Variants in CUEDC1 observed in about 807,000 individuals in gnomAD.
The protein encoded by CUEDC1 is CUE domain-containing protein 1.
A neutral mutation model predicts 43.7 loss-of-function variants in CUEDC1; 30 were observed. The ratio of observed to expected loss-of-function variants is 0.69; its 90% CI spans 0.51 to 0.93. The LOEUF (loss-of-function observed/expected upper bound fraction) is 0.93. CUEDC1 is among the 40% of genes least tolerant of loss of function. CUEDC1 has a pLI of 0.00. For synonymous variants in CUEDC1, 223 were observed against 223.6 expected (o/e 1.00, Z 0.02); for missense variants, 486 against 549.0 (o/e 0.89, Z 1.15).
At chr17:57,870,413 C>T (rs2074017667) in intron 6 of CUEDC1, among the ~76,000 whole-genome samples, 1 of 152,242 alleles carries the variant, frequency 6.6e-6, no homozygotes, top group Non-Finnish European at 1.5e-5. Flanking sequence ...CTAGAAATTC[C>T]TCTTCCTCCA....
chr17:57,920,376 C>A (rs1466742628), intron 1 of CUEDC1, among the ~76,000 whole-genome samples: 5 of 152,180 alleles, frequency 3.3e-5, no homozygotes, highest in Admixed American at 6.5e-5. Context: ...CTGGTTTTAT[C>A]TTGCTGAAGG....
At chr17:57,931,067 TTA>T in intron 1 of CUEDC1, among the ~76,000 whole-genome samples, 1 of 152,120 alleles carries the variant, frequency 6.6e-6, no homozygotes, top group African/African-American at 2.4e-5. Context: ...GACAGGCAGA[TTA>T]CTCGAGCTCA....
chr17:57,885,400 C>A lies in CUEDC1; in HGVS notation c.165G>T (p.Lys55Asn). The change falls in exon 2 of 11, where the codon AAG becomes AAT. Residue 55 changes from lysine (K) to asparagine (N), a missense_variant. Coordinates refer to ENST00000577830, the MANE Select transcript of CUEDC1 (RefSeq NM_001271875.2). ...LEFNQAMDDF[K>N]TMFPNMDYDI... Reference sequence around the variant, plus strand: ...CGTAATCCATGTTGGGGAACATGGTCTTGAAGTCGTCCATGGCCTGGTTGA... The same window carrying A: ...CGTAATCCATGTTGGGGAACATGGTATTGAAGTCGTCCATGGCCTGGTTGA... 6.2e-7 allele frequency: 1 copy of A among 1,610,402 alleles called. No individual in the cohort carries two copies. The highest frequency in any genetic ancestry group is 1.1e-5 in the South Asian group (1 of 90,310).
At chr17:57,945,473 C>T (rs751330603) in intron 1 of CUEDC1, among the ~76,000 whole-genome samples, 3 of 152,168 alleles carry the variant, frequency 2.0e-5, no homozygotes, top group Non-Finnish European at 2.9e-5. Context: ...CAAAGACATC[C>T]GCATAAACAT....
intron 8 of CUEDC1, 21 bp downstream of exon 8, chr17:57,868,129 G>A: frequency 6.2e-7 from 1 of 1,602,976 alleles, no homozygotes; most frequent in South Asian, 1.1e-5. Flanking sequence ...ACCCCCACCA[G>A]TGCCAGGCTG....
chr17:57,872,570 G>T, intron 5 of CUEDC1, 93 bp downstream of exon 5: 1 of 1,406,748 alleles, frequency 7.1e-7, no homozygotes, highest in Non-Finnish European at 9.7e-7. Flanking sequence ...GGCCCCCTCA[G>T]CCCCCAGCTC....
intron 1 of CUEDC1, among the ~76,000 whole-genome samples, chr17:57,929,806 C>G (rs764869518): frequency 2.0e-5 from 3 of 152,104 alleles, no homozygotes; most frequent in Non-Finnish European, 2.9e-5. Context: ...CTCTCTCTCT[C>G]TTTTTCTTTT....
At chr17:57,902,212 C>CA (rs1567711610) in intron 1 of CUEDC1, among the ~76,000 whole-genome samples, 1 of 151,116 alleles carries the variant, frequency 6.6e-6, no homozygotes, top group African/African-American at 2.4e-5. Flanking sequence ...AAACAAAAAA[C>CA]AAAAAACAAA....
At chr17:57,890,153 T>G (rs770510835) in intron 1 of CUEDC1, among the ~76,000 whole-genome samples, 6 of 152,142 alleles carry the variant, frequency 3.9e-5, no homozygotes, top group Non-Finnish European at 5.9e-5. Flanking sequence ...ACAGCCAGTA[T>G]GTGGAGAGGC....
chr17:57,878,770 G>A (rs531016123), intron 3 of CUEDC1, among the ~76,000 whole-genome samples: 24 of 152,170 alleles, frequency 1.6e-4, no homozygotes, highest in South Asian at 8.3e-4. Context: ...GGGTTCAAGC[G>A]GTTCTCCTGC....
At chr17:57,893,720 G>A (rs1031753684) in intron 1 of CUEDC1, among the ~76,000 whole-genome samples, 1 of 152,218 alleles carries the variant, frequency 6.6e-6, no homozygotes, top group Non-Finnish European at 1.5e-5. Context: ...GAGGAGCAGG[G>A]GAGAGACAGA....
At chr17:57,867,165 CAGGG>C in intron 9 of CUEDC1, 188 bp downstream of exon 9, 1 of 624,014 alleles carries the variant, frequency 1.6e-6, no homozygotes, top group Non-Finnish European at 2.9e-6. Flanking sequence ...GGCCCCTTTT[CAGGG>C]GTTGCAGAAA....
At position 57,872,836 on chromosome 17, in the gene CUEDC1, T is replaced by G. The variant is rs1193334711; in HGVS notation, c.611A>C (p.Lys204Thr). ...TGGACATCCCTCTCCACTCCCAGGC[T>G]TGGGGCCCCCAGCGTTACCCTGAGG... ...DSIQGNAGGP[K>T]PGSGEGCPPA... The change falls in exon 5 of 11, where the codon AAG becomes ACG. Residue 204 changes from lysine to threonine, a missense_variant. Coordinates refer to ENST00000577830, the MANE Select transcript of CUEDC1 (RefSeq NM_001271875.2). 1 of 1,613,272 alleles carries G rather than the reference T, an allele frequency of 6.2e-7. No homozygotes were observed. The highest frequency in any genetic ancestry group is 8.5e-7 in the Non-Finnish European group (1 of 1,179,782).
chr17:57,867,820 G>A (rs1180719871), intron 8 of CUEDC1, among the ~76,000 whole-genome samples: 1 of 152,168 alleles, frequency 6.6e-6, no homozygotes, highest in African/African-American at 2.4e-5. Context: ...AGAAATGAAG[G>A]GAAGGTTTGA....
In CUEDC1 at chr17:57,930,471, G is replaced by A. The variant is rs2074793388; in HGVS notation, c.-316+24754C>T. 6.6e-6 allele frequency among the ~76,000 whole-genome samples: 1 copy of A among 152,216 alleles called. No individual in the cohort carries two copies. The highest frequency in any genetic ancestry group is 2.1e-4 in the South Asian group (1 of 4,824). On this transcript the variant is annotated intron_variant, in intron 1 of 10. Coordinates refer to ENST00000577830, the MANE Select transcript of CUEDC1 (RefSeq NM_001271875.2). This position sits in a 1 kb window ranked among gnomAD's most constrained non-coding sequence, Gnocchi z 4.2. Reference sequence around the variant, plus strand: ...AGAAACCAAAGCCCTCTCCGTCCCAGGGGTTTAACAGAAGGCAGAGAAAAG... The same window carrying A: ...AGAAACCAAAGCCCTCTCCGTCCCAAGGGTTTAACAGAAGGCAGAGAAAAG...
chr17:57,924,736 T>C (rs2143125702), intron 1 of CUEDC1, among the ~76,000 whole-genome samples: 1 of 152,256 alleles, frequency 6.6e-6, no homozygotes, highest in South Asian at 2.1e-4. Context: ...GAGGCCATGC[T>C]AGAAGCCGCT....
chr17:57,895,694 TC>T (rs2074401278), intron 1 of CUEDC1, among the ~76,000 whole-genome samples: 1 of 151,980 alleles, frequency 6.6e-6, no homozygotes. Context: ...GGGGCTACTG[TC>T]CCCCTGCCCC....
chr17:57,912,564 AC>A (rs1241175430), intron 1 of CUEDC1: 1 of 152,082 alleles, frequency 6.6e-6, no homozygotes, highest in Non-Finnish European at 1.5e-5. Context: ...ACAACTTTTT[AC>A]TTGTTTGTGC....
chr17:57,862,653 T>C lies in CUEDC1; in HGVS notation c.*636A>G, dbSNP rs113777591. The stretch of plus-strand genomic sequence containing the variant: ...TCGGCAGATGCTTTGCAGTAGCCCA[T>C]AGCTCCTCAGAGTTCCTGGGGGACT... On this transcript the variant is annotated 3_prime_UTR_variant, in exon 11 of 11. Coordinates refer to ENST00000577830, the MANE Select transcript of CUEDC1 (RefSeq NM_001271875.2). 6.6e-6 allele frequency: 1 copy of C among 152,322 alleles called. No individual in the cohort carries two copies. The highest frequency in any genetic ancestry group is 2.4e-5 in the African/African-American group (1 of 41,416). The allele number at this position is 152,322 out of a possible 1,614,324, so 9.4% of individuals were successfully genotyped here.
Sources: allele counts gnomAD v4.1 joint callset (sites outside exome capture counted in the v4.1 genomes callset), GRCh38; gene constraint gnomAD v4.1.1; non-coding constraint Gnocchi (gnomAD v3.1); transcripts MANE v1.5; gene names NCBI Gene and HGNC (gene_info 2026-07-23, HGNC 2026-07-21).